The following DPF2 variants were observed in gnomAD, a reference collection of about 807,000 sequenced individuals.
DPF2 encodes the protein zinc finger protein ubi-d4.
DPF2 carries 10 observed loss-of-function variants against 59.6 expected under a neutral mutation model. The observed-to-expected ratio is 0.17, with a 90% CI of 0.10 to 0.28. DPF2 has a LOEUF of 0.28. DPF2 is among the 10% of genes least tolerant of loss of function. The pLI is 1.00. For missense variants in DPF2, 315 were observed against 509.4 expected, an observed-to-expected ratio of 0.62 and a Z score of 3.67; for synonymous variants, 189 against 190.6, an observed-to-expected ratio of 0.99 and a Z score of 0.07.
rs1854717886 is a variant in DPF2 at position 65,352,162 on chromosome 11, C to T, written c.*403C>T. ...CCAGAGTTTTCCTGTCCTCTAGAGG[C>T]AAGCCAGGCCAGGGAGCTGGGAGCG... On this transcript the variant is annotated 3_prime_UTR_variant, in exon 11 of 11. Transcript: ENST00000528416. 6.3e-5 allele frequency: 13 copies of T among 206,430 alleles called. 1 individual carries two copies. In the South Asian group the frequency reaches 9.4e-4, roughly 15 times the overall value. 12.8% of individuals were successfully genotyped at this position (206,430 alleles called of 1,614,324 possible).
intron 1 of DPF2, among the ~76,000 whole-genome samples, chr11:65,337,490 TATATATATATATATAGAGAG>T (rs1398697424): frequency 1.8e-4 from 12 of 67,012 alleles, no homozygotes; most frequent in African/African-American, 6.2e-4. Context: ...TATATATATA[TATATATATATATATAGAGAG>T]AGAGAGAGAG....
chr11:65,337,502 T>TAG (rs1371740234), intron 1 of DPF2, among the ~76,000 whole-genome samples: 75 of 33,104 alleles, frequency 2.3e-3, no homozygotes, highest in African/African-American at 3.7e-3. Flanking sequence ...TATATATATA[T>TAG]ATAGAGAGAG....
rs1854714748 is a variant in DPF2, at chr11:65,352,083, T to C, written c.*324T>C. On this transcript the variant is annotated 3_prime_UTR_variant, in exon 11 of 11. Transcript: ENST00000528416. Reference sequence around the variant, plus strand: ...TCACAGGGTTCAAACAGTGTCCTCCTAGAAAGAGTGGGAGAGCAGCTCACT... The same window carrying C: ...TCACAGGGTTCAAACAGTGTCCTCCCAGAAAGAGTGGGAGAGCAGCTCACT... The C allele has an allele frequency of 9.2e-6, 3 of 327,810 alleles. No individual in the cohort carries two copies. Among genetic ancestry groups the C allele is most frequent in the Admixed American group, 4.6e-5 (1 of 21,944 alleles). 20.3% of individuals were successfully genotyped at this position (327,810 alleles called of 1,614,324 possible). A position where few individuals can be genotyped will look rare whatever the true frequency, so the allele number is the denominator to read the frequency against.
chr11:65,335,386 G>T (rs1339172882), intron 1 of DPF2, among the ~76,000 whole-genome samples: 1 of 152,176 alleles, frequency 6.6e-6, no homozygotes, highest in East Asian at 1.9e-4. Flanking sequence ...TGTACTGGGG[G>T]AGTATCAGAC....
rs562808279 is a variant in DPF2, at chr11:65,354,088, C to T, written c.*2329C>T. Among the ~76,000 whole-genome samples, 1 of 152,242 alleles carries T rather than the reference C, an allele frequency of 6.6e-6. No homozygotes were observed. Among genetic ancestry groups the T allele is most frequent in the African/African-American group, 2.4e-5 (1 of 41,534 alleles). ...AAGCCTGTGAGGAAGGCAGAGGATG[C>T]GGAGCTGTGAGCGGAGGGAGCAGCG... On this transcript the variant is annotated 3_prime_UTR_variant, in exon 11 of 11. Coordinates refer to ENST00000528416, the MANE Select transcript of DPF2 (RefSeq NM_006268.5).
intron 6 of DPF2, 105 bp downstream of exon 6, chr11:65,344,174 A>G: frequency 8.4e-7 from 1 of 1,187,988 alleles, no homozygotes; most frequent in Non-Finnish European, 1.2e-6. Flanking sequence ...ATTAAAACAA[A>G]CCTGGGCTCT....
intron 9 of DPF2, 122 bp from the exon 10 acceptor site, chr11:65,348,728 C>T: frequency 1.2e-6 from 1 of 861,332 alleles, no homozygotes; most frequent in East Asian, 2.6e-5. Context: ...TGGTTTCCCA[C>T]ATAAGATTCT....
chr11:65,348,763 AC>A, intron 9 of DPF2, 86 bp from the exon 10 acceptor site: 2 of 1,324,950 alleles, frequency 1.5e-6, no homozygotes, highest in Non-Finnish European at 2.2e-6. Flanking sequence ...CCTGCTACCT[AC>A]CCCTCTTGGA....
chr11:65,349,947 G>A (rs941188005), intron 10 of DPF2, among the ~76,000 whole-genome samples: 7 of 152,090 alleles, frequency 4.6e-5, no homozygotes, highest in East Asian at 1.9e-4. Flanking sequence ...GTAACATATC[G>A]GTCAAACTGC....
chr11:65,348,445 G>T (rs1288414816), intron 9 of DPF2: 2 of 163,612 alleles, frequency 1.2e-5, no homozygotes, highest in African/African-American at 4.8e-5. Context: ...GCTAGGTGTG[G>T]TGGTGTGTGC....
In DPF2 at chr11:65,346,456, G is replaced by A. The variant is rs548999217; in HGVS notation, c.1017+97G>A. 32 of 1,103,452 alleles carry A rather than the reference G, an allele frequency of 2.9e-5. No individual in the cohort carries two copies. The South Asian group carries it at 3.6e-4, about 13-fold the overall frequency. The allele number at this position is 1,103,452 out of a possible 1,614,324, so 68.4% of individuals were successfully genotyped here. On this transcript the variant is annotated intron_variant, in intron 9 of 10. Coordinates refer to ENST00000528416, the MANE Select transcript of DPF2 (RefSeq NM_006268.5). The stretch of plus-strand genomic sequence containing the variant: ...AAGTGAGCTTTCTTTTAAAAAGGGA[G>A]CAGGATCCCTCCCACATGCCACACG...
At chr11:65,337,502 T>TAAAGAGAGAGAGAG (rs1371740234) in intron 1 of DPF2, among the ~76,000 whole-genome samples, 1 of 33,100 alleles carries the variant, frequency 3.0e-5, no homozygotes, top group Non-Finnish European at 5.2e-5. Flanking sequence ...TATATATATA[T>TAAAGAGAGAGAGAG]ATAGAGAGAG....
At chr11:65,345,008 G>A (rs1671522553) in intron 6 of DPF2, 2 of 251,412 alleles carry the variant, frequency 8.0e-6, no homozygotes, top group Non-Finnish European at 7.6e-6. Context: ...TGGCCCCCTT[G>A]CCCTTCTTGG....
At chr11:65,340,123 T>C (rs1565530631) in intron 1 of DPF2, among the ~76,000 whole-genome samples, 2 of 152,176 alleles carry the variant, frequency 1.3e-5, no homozygotes, top group Non-Finnish European at 1.5e-5. Context: ...TTCACCTCTT[T>C]GGGGGTTAAA....
At chr11:65,334,011 G>A (rs1590926718) in intron 1 of DPF2, 93 bp downstream of exon 1, 2 of 1,536,062 alleles carry the variant, frequency 1.3e-6, no homozygotes, top group Non-Finnish European at 1.8e-6. Context: ...GCGGAGAGAG[G>A]GACATCCCCG....
chr11:65,340,974 T>G lies in DPF2; in HGVS notation c.202T>G (p.Ser68Ala). 4 of 1,614,056 alleles carry G rather than the reference T, an allele frequency of 2.5e-6. No individual in the cohort carries two copies. The highest frequency in any genetic ancestry group is 3.4e-6 in the Non-Finnish European group (4 of 1,180,006). Reference sequence around the variant, plus strand: ...CTTTCTTCCTGCCACAGGATTGGCCTCCGGACAGCTGTACTCCTACCCTGC... The same window carrying G: ...CTTTCTTCCTGCCACAGGATTGGCCGCCGGACAGCTGTACTCCTACCCTGC... Reference protein sequence around the residue: ...EKRHRGPGLASGQLYSYPARR... With the variant: ...EKRHRGPGLAAGQLYSYPARR... Residue 68 changes from serine (S) to alanine (A), a missense_variant, in exon 3 of 11, where the codon TCC becomes GCC. Physicochemically the swap from Ser to Ala is moderately conservative, Grantham distance 99. This residue lies in a region of DPF2 where 228 missense variants were observed against 275.3 expected (regional missense o/e 0.83). Coordinates refer to ENST00000528416, the MANE Select transcript of DPF2 (RefSeq NM_006268.5).
chr11:65,341,639 A>G (rs1175782062), intron 4 of DPF2, 77 bp downstream of exon 4: 5 of 1,582,852 alleles, frequency 3.2e-6, no homozygotes, highest in Non-Finnish European at 4.3e-6. Flanking sequence ...CCTAGTTTCT[A>G]GAACTGAAAC....
chr11:65,341,100 G>C, intron 3 of DPF2, 27 bp downstream of exon 3: 1 of 1,602,564 alleles, frequency 6.2e-7, no homozygotes. Flanking sequence ...CTGAGCAGAG[G>C]CGTGGCCTGC....
intron 1 of DPF2, among the ~76,000 whole-genome samples, chr11:65,338,520 A>G (rs1854273481): frequency 6.6e-6 from 1 of 152,224 alleles, no homozygotes; most frequent in Admixed American, 6.5e-5. Flanking sequence ...AGCAGAAACA[A>G]AGGAGCTGCC....
Sources: gnomAD v4.1 joint callset for allele counts (sites outside exome capture counted in the v4.1 genomes callset) on GRCh38, gnomAD v4.1.1 for gene constraint, gnomAD v4.1.1 regional missense constraint, MANE v1.5 for transcripts, NCBI Gene and HGNC (gene_info 2026-07-23, HGNC 2026-07-21) for gene names.